The following RNF150 variants were observed in gnomAD, a reference collection of about 807,000 sequenced individuals.
RNF150 encodes the protein ring finger protein 150.
In RNF150, 24 loss-of-function variants were observed where a neutral mutation model predicts 39.3. That is an observed-to-expected ratio of 0.61 (90% CI 0.44 to 0.86). RNF150 has a LOEUF of 0.86. RNF150 is among the 40% of genes least tolerant of loss of function. The probability of loss-of-function intolerance (pLI) is 0.00; values close to 1 mark genes in which losing one functional copy is unlikely to be tolerated. For missense variants in RNF150, 502 were observed against 587.8 expected, an observed-to-expected ratio of 0.85 and a Z score of 1.51; for synonymous variants, 255 against 227.3, an observed-to-expected ratio of 1.12 and a Z score of -1.10.
chr4:141,209,789 T>C (rs561158034), intron 1 of RNF150, among the ~76,000 whole-genome samples: 1 of 152,236 alleles, frequency 6.6e-6, no homozygotes, highest in African/African-American at 2.4e-5. Context: ...TCTGATTTCT[T>C]GAGGCCAGGA....
At chr4:140,965,204 G>A (rs558860106) in intron 2 of RNF150, among the ~76,000 whole-genome samples, 22 of 152,220 alleles carry the variant, frequency 1.4e-4, no homozygotes, top group African/African-American at 4.6e-4. Context: ...CCTCACACCT[G>A]TTAGGACGTC....
intron 1 of RNF150, among the ~76,000 whole-genome samples, chr4:141,031,548 A>G (rs1449857721): frequency 6.6e-6 from 1 of 152,142 alleles, no homozygotes; most frequent in East Asian, 1.9e-4. Context: ...AACTCAACCA[A>G]TTCAATAGGA....
intron 1 of RNF150, among the ~76,000 whole-genome samples, chr4:141,154,502 G>C (rs1425933851): frequency 6.6e-6 from 1 of 152,164 alleles, no homozygotes; most frequent in African/African-American, 2.4e-5. Flanking sequence ...TGGGGGGCTG[G>C]GGAAGAGTTG....
chr4:141,116,836 T>C (rs147354317), intron 1 of RNF150, among the ~76,000 whole-genome samples: 1 of 152,184 alleles, frequency 6.6e-6, no homozygotes, highest in Non-Finnish European at 1.5e-5. Flanking sequence ...TTCATGTCCT[T>C]TGCAGGAATA....
At chr4:140,980,753 C>A (rs1733833417) in intron 1 of RNF150, among the ~76,000 whole-genome samples, 1 of 152,120 alleles carries the variant, frequency 6.6e-6, no homozygotes, top group Non-Finnish European at 1.5e-5. Flanking sequence ...TTGTAAGTTT[C>A]CTGAGGCCTC....
intron 1 of RNF150, among the ~76,000 whole-genome samples, chr4:141,208,526 T>G (rs1435129): frequency 0.24 from 37,123 of 152,212 alleles, 5,041 homozygotes; most frequent in East Asian, 0.62. Flanking sequence ...ATATTTTTTC[T>G]GTGTTTATAC....
chr4:140,915,751 A>T (rs1233503412), intron 5 of RNF150, among the ~76,000 whole-genome samples: 1 of 152,154 alleles, frequency 6.6e-6, no homozygotes, highest in Non-Finnish European at 1.5e-5. Context: ...CTGCCTCCTC[A>T]AGTGGGTCCC....
At chr4:141,202,781 T>C (rs1011758040) in intron 1 of RNF150, among the ~76,000 whole-genome samples, 1 of 151,780 alleles carries the variant, frequency 6.6e-6, no homozygotes, top group Non-Finnish European at 1.5e-5. Context: ...TTATTCAATA[T>C]ATAGAGACAA....
intron 5 of RNF150, among the ~76,000 whole-genome samples, chr4:140,919,262 G>A (rs1387107798): frequency 4.8e-5 from 7 of 144,430 alleles, no homozygotes; most frequent in African/African-American, 7.7e-5. Flanking sequence ...GTTTGCAGAT[G>A]ACATGATTGT....
At chr4:141,136,311 C>A (rs181903134), upstream of RNF150, among the ~76,000 whole-genome samples, 67 of 152,088 alleles carry the variant, frequency 4.4e-4, no homozygotes, top group Non-Finnish European at 8.4e-4. Flanking sequence ...AAGAATTTAG[C>A]AGTGATGAGA....
chr4:141,175,708 G>A (rs536063114), intron 1 of RNF150, among the ~76,000 whole-genome samples: 5 of 152,284 alleles, frequency 3.3e-5, no homozygotes, highest in Admixed American at 6.5e-5. Flanking sequence ...CTATAACTGC[G>A]TAGCTTATAA....
chr4:140,918,276 G>A (rs911589186), intron 5 of RNF150, among the ~76,000 whole-genome samples: 3 of 151,928 alleles, frequency 2.0e-5, no homozygotes, highest in Admixed American at 6.6e-5. Context: ...AAACATCAAC[G>A]AAATTGATAG....
intron 6 of RNF150, among the ~76,000 whole-genome samples, chr4:140,875,722 T>G (rs1293670269): frequency 4.9e-5 from 7 of 142,780 alleles, no homozygotes; most frequent in East Asian, 1.9e-4. Flanking sequence ...TTTGTTTGTG[T>G]TTTTTTTTAA....
intron 1 of RNF150, among the ~76,000 whole-genome samples, chr4:141,148,522 T>C (rs189567): frequency 0.97 from 147,245 of 152,216 alleles, 71,391 homozygotes; most frequent in Non-Finnish European, 1. Flanking sequence ...TGGCTCACTG[T>C]AACCTCTGCC....
intron 1 of RNF150, among the ~76,000 whole-genome samples, chr4:141,179,103 G>C (rs764062812): frequency 6.6e-6 from 1 of 152,080 alleles, no homozygotes. Context: ...TATATATTAA[G>C]ATCTCGTATT....
chr4:141,005,281 A>C (rs1252483696), intron 1 of RNF150, among the ~76,000 whole-genome samples: 1 of 152,208 alleles, frequency 6.6e-6, no homozygotes, highest in Non-Finnish European at 1.5e-5. Context: ...TCTGTAGAGA[A>C]GCTCAGGAGG....
In RNF150 at chr4:141,013,316, A is replaced by T. The variant is rs1165514472; in HGVS notation, c.485-45443T>A. 2.6e-5 allele frequency among the ~76,000 whole-genome samples: 4 copies of T among 152,304 alleles called. No homozygotes were observed. In the East Asian group the frequency reaches 7.7e-4, roughly 29 times the overall value. On this transcript the variant is annotated intron_variant, in intron 1 of 6. Coordinates refer to ENST00000515673, the MANE Select transcript of RNF150 (RefSeq NM_020724.2). ...AATGATGGTATTTTGATAATTTCTG[A>T]AGCTGTATTATGGGGATAAGAGGTA... is the stretch of plus-strand genomic sequence containing the variant.
At chr4:141,084,536 C>CA (rs1298555974) in intron 1 of RNF150, among the ~76,000 whole-genome samples, 1 of 152,108 alleles carries the variant, frequency 6.6e-6, no homozygotes, top group East Asian at 1.9e-4. Flanking sequence ...TAACGAAAAA[C>CA]ACTTTTTTCC....
At chr4:141,178,865 C>T (rs1396163461) in intron 1 of RNF150, among the ~76,000 whole-genome samples, 1 of 151,958 alleles carries the variant, frequency 6.6e-6, no homozygotes, top group African/African-American at 2.4e-5. Context: ...GTTCTAGGAA[C>T]ACTAGAATAT....
Sources: allele counts gnomAD v4.1 joint callset (sites outside exome capture counted in the v4.1 genomes callset), GRCh38; gene constraint gnomAD v4.1.1; transcripts MANE v1.5; gene names NCBI Gene and HGNC (gene_info 2026-07-23, HGNC 2026-07-21).